The following COL6A5 variants were observed in gnomAD, a reference collection of about 807,000 sequenced individuals.
The protein encoded by COL6A5 is collagen type VI alpha 5 chain, also known as collagen alpha-5(VI) chain.
COL6A5 carries 48 observed loss-of-function variants against 65.6 expected under a neutral mutation model. The observed-to-expected ratio is 0.73, with a 90% CI of 0.58 to 0.93. The LOEUF (loss-of-function observed/expected upper bound fraction) is 0.93, where lower values mean the gene tolerates loss of function less well. COL6A5 is among the 40% of genes least tolerant of loss of function. The pLI is 0.00. For missense variants in COL6A5, 914 were observed against 928.3 expected (o/e 0.98, Z 0.20); for synonymous variants, 291 against 322.8 (o/e 0.90, Z 1.05).
Position 130,398,125 on chromosome 3 carries a change from G to GTTTTTTTT in COL6A5, c.3991+16_3991+17insTTTTTTTT, listed in dbSNP as rs747107091. On this transcript the variant is annotated intron_variant and NMD_transcript_variant, in intron 10 of 41. Coordinates refer to the COL6A5 transcript ENST00000312481. ...TCAGAGAAGCAGGTATTGAGTTGTT[G>GTTTTTTTT]TTGTTTTTTTTTTTTTTTTTTTTGA... 4.0e-5 allele frequency: 43 copies of GTTTTTTTT among 1,064,898 alleles called. No individual in the cohort carries two copies. The highest frequency in any genetic ancestry group is 1.7e-4 in the African/African-American group (9 of 52,818). 66.0% of individuals were successfully genotyped at this position (1,064,898 alleles called of 1,614,324 possible). A position where few individuals can be genotyped will look rare whatever the true frequency, so the allele number is the denominator to read the frequency against.
intron 4 of COL6A5, among the ~76,000 whole-genome samples, chr3:130,452,313 G>A (rs532489676): frequency 2.0e-5 from 3 of 150,678 alleles, no homozygotes; most frequent in East Asian, 4.0e-4. Context: ...GATATTGGGG[G>A]AAATTCAGCC....
chr3:130,354,933 G>T lies in COL6A5; in HGVS notation c.-29+8952G>T, dbSNP rs77400627. ...AGTAAAATACACAGCAGATTTTGAG[G>T]ACTTAGTATTAATAAAGTAAAATAT... On this transcript the variant is annotated intron_variant and NMD_transcript_variant, in intron 1 of 41. Coordinates refer to the COL6A5 transcript ENST00000312481. Among the ~76,000 whole-genome samples, 1,512 of 152,132 alleles carry T rather than the reference G, an allele frequency of 9.9e-3. 16 individuals are homozygous for T. The highest frequency in any genetic ancestry group is 0.081 in the South Asian group (390 of 4,824).
chr3:130,399,011 G>A (rs569799589), intron 10 of COL6A5, among the ~76,000 whole-genome samples: 2 of 152,334 alleles, frequency 1.3e-5, no homozygotes, highest in African/African-American at 4.8e-5. Context: ...ATTTGGAAAA[G>A]CACTTCTCGC....
chr3:130,396,320 A>T (rs191245688), intron 8 of COL6A5, among the ~76,000 whole-genome samples: 5 of 152,228 alleles, frequency 3.3e-5, no homozygotes, highest in African/African-American at 4.8e-5. Flanking sequence ...AAAATGTGAT[A>T]GTCTTTCCAA....
chr3:130,387,231 C>T (rs1353369713), intron 5 of COL6A5, among the ~76,000 whole-genome samples: 2 of 152,014 alleles, frequency 1.3e-5, no homozygotes, highest in African/African-American at 4.8e-5. Flanking sequence ...TTGGTTAAAA[C>T]TTAGACACAA....
chr3:130,418,658 A>G (rs1937429988), intron 24 of COL6A5, among the ~76,000 whole-genome samples: 1 of 152,096 alleles, frequency 6.6e-6, no homozygotes, highest in African/African-American at 2.4e-5. Flanking sequence ...ATAACACTGG[A>G]AAAGCAGCAC....
chr3:130,452,653 A>G (rs1466743003), intron 4 of COL6A5, among the ~76,000 whole-genome samples: 1 of 152,152 alleles, frequency 6.6e-6, no homozygotes, highest in Non-Finnish European at 1.5e-5. Context: ...GGCGAAATTA[A>G]AATTGCTAAT....
intron 24 of COL6A5, 62 bp from the exon 25 acceptor site, chr3:130,418,807 T>TA: frequency 1.5e-6 from 2 of 1,345,412 alleles, no homozygotes; most frequent in South Asian, 1.2e-5. Context: ...GGACAGAACT[T>TA]ACCGTGGTAG....
chr3:130,397,505 G>A (rs1425282246), intron 8 of COL6A5, 78 bp from the exon 9 acceptor site: 2 of 1,132,146 alleles, frequency 1.8e-6, no homozygotes, highest in East Asian at 2.6e-5. Context: ...GGGCATGACA[G>A]TGCTCCTTTT....
intron 1 of COL6A5, among the ~76,000 whole-genome samples, chr3:130,361,241 A>C (rs1935096198): frequency 6.6e-6 from 1 of 152,016 alleles, no homozygotes; most frequent in African/African-American, 2.4e-5. Flanking sequence ...CCACCTGTTC[A>C]TCCCTCCATA....
intron 8 of COL6A5, 117 bp from the exon 9 acceptor site, chr3:130,397,466 A>C: frequency 1.5e-6 from 1 of 676,762 alleles, no homozygotes; most frequent in South Asian, 2.0e-5. Flanking sequence ...CTTGAACACT[A>C]TTTGGGGACT....
At chr3:130,454,520 G>A (rs1446731379) in intron 4 of COL6A5, among the ~76,000 whole-genome samples, 2 of 152,144 alleles carry the variant, frequency 1.3e-5, no homozygotes, top group Non-Finnish European at 2.9e-5. Flanking sequence ...CCAAACATCA[G>A]TATCAAATGC....
chr3:130,421,039 C>T, intron 25 of COL6A5, 114 bp from the exon 26 acceptor site: 2 of 888,444 alleles, frequency 2.3e-6, no homozygotes, highest in Non-Finnish European at 1.8e-6. Context: ...CCAATTAGGC[C>T]CCTTCTGCAT....
At chr3:130,358,836 C>G (rs1486184975) in intron 1 of COL6A5, among the ~76,000 whole-genome samples, 1 of 152,100 alleles carries the variant, frequency 6.6e-6, no homozygotes, top group Non-Finnish European at 1.5e-5. Flanking sequence ...GTAAGTGATC[C>G]TTTAGAAATA....
intron 1 of COL6A5, among the ~76,000 whole-genome samples, chr3:130,355,588 T>C (rs573838665): frequency 2.6e-5 from 4 of 151,540 alleles, no homozygotes; most frequent in African/African-American, 9.7e-5. Flanking sequence ...TAGTAAAATT[T>C]TACACACACA....
chr3:130,406,816 G>A (rs889144164), intron 17 of COL6A5, among the ~76,000 whole-genome samples: 1 of 152,032 alleles, frequency 6.6e-6, no homozygotes, highest in Admixed American at 6.5e-5. Flanking sequence ...CTACTTTTAT[G>A]TTCTGATCCA....
rs546908869 is a variant in COL6A5 at position 130,453,345 on chromosome 3, C to T, written c.1333-2110C>T. On this transcript the variant is annotated intron_variant, in intron 4 of 7. Coordinates refer to ENST00000512836, the Ensembl canonical transcript of COL6A5. ...ATGTCCATAAAATCTTCACAATCCA[C>T]GTTCTTCTGACATGGCTTCAGCGGG... Among the ~76,000 whole-genome samples the T allele has an allele frequency of 2.1e-4, 32 of 152,282 alleles. No homozygotes were observed. In the East Asian group the frequency reaches 5.6e-3, roughly 27 times the overall value.
chr3:130,403,729 A>AC, intron 13 of COL6A5, 67 bp downstream of exon 13: 8 of 1,163,522 alleles, frequency 6.9e-6, no homozygotes, highest in African/African-American at 3.1e-5. Flanking sequence ...ACACACACAC[A>AC]AACACACACT....
intron 19 of COL6A5, 90 bp downstream of exon 19, chr3:130,410,164 C>A: frequency 1.0e-6 from 1 of 958,778 alleles, no homozygotes. Flanking sequence ...TGTAATTGAA[C>A]AAATGCTCTT....
Sources: gnomAD v4.1 joint callset for allele counts (sites outside exome capture counted in the v4.1 genomes callset) on GRCh38, gnomAD v4.1.1 for gene constraint, MANE v1.5 for transcripts, NCBI Gene and HGNC (gene_info 2026-07-23, HGNC 2026-07-21) for gene names.